PDE11A: variants seen among roughly 807,000 people sequenced by gnomAD.
PDE11A encodes the protein phosphodiesterase 11A.
In PDE11A, 100 loss-of-function variants were observed where a neutral mutation model predicts 100.5. The observed-to-expected ratio is 1.00, with a 90% confidence interval of 0.85 to 1.18. The LOEUF (loss-of-function observed/expected upper bound fraction) is 1.18, where lower values mean the gene tolerates loss of function less well. Ranked by LOEUF, PDE11A falls within the 50% of genes most tolerant of loss-of-function variation. PDE11A has a pLI of 0.00. For missense variants in PDE11A, 1,141 were observed against 1,152.6 expected (o/e 0.99, Z 0.15); for synonymous variants, 381 against 420.8 (o/e 0.91, Z 1.16).
At position 177,875,523 on chromosome 2, in the gene PDE11A, ACCCG is replaced by A. The variant is rs201082162; in HGVS notation, c.1367+332_1367+335del. 2.5e-3 allele frequency among the ~76,000 whole-genome samples: 382 copies of A among 150,890 alleles called. 14 individuals are homozygous for A. In the East Asian group the frequency reaches 0.071, roughly 28 times the overall value. ...CTCCCAAGTAGCTGGGACCACAGGC[ACCCG>A]CCACCATGCCCGGCTAATTTTTTTT... On this transcript the variant is annotated intron_variant, in intron 5 of 19. Transcript: ENST00000286063.
intron 1 of PDE11A, among the ~76,000 whole-genome samples, chr2:178,051,289 T>C (rs1250037696): frequency 6.6e-6 from 1 of 152,160 alleles, no homozygotes; most frequent in African/African-American, 2.4e-5. Flanking sequence ...TAAAATCCTT[T>C]ACAGACAAGC....
intron 2 of PDE11A, among the ~76,000 whole-genome samples, chr2:177,910,941 GCC>G (rs2084871927): frequency 6.6e-6 from 1 of 152,144 alleles, no homozygotes; most frequent in Non-Finnish European, 1.5e-5. Context: ...AGTGAAGGGG[GCC>G]ATCCCGTTCG....
At chr2:178,059,132 C>A (rs1037261252) in intron 1 of PDE11A, among the ~76,000 whole-genome samples, 7 of 152,200 alleles carry the variant, frequency 4.6e-5, no homozygotes, top group African/African-American at 1.7e-4. Context: ...GTCCAGCCTC[C>A]TGATGGGTTC....
chr2:177,951,773 C>A (rs2085507941), intron 2 of PDE11A, among the ~76,000 whole-genome samples: 3 of 152,126 alleles, frequency 2.0e-5, no homozygotes, highest in South Asian at 4.1e-4. Context: ...TGACAGTAAA[C>A]CCCAGAGGAA....
At chr2:177,912,341 A>G (rs1414143784) in intron 2 of PDE11A, among the ~76,000 whole-genome samples, 1 of 152,118 alleles carries the variant, frequency 6.6e-6, no homozygotes, top group African/African-American at 2.4e-5. Context: ...CTCTCCTACA[A>G]GCTAGTGTTG....
intron 10 of PDE11A, among the ~76,000 whole-genome samples, chr2:177,766,410 C>T (rs771166290): frequency 6.6e-5 from 10 of 152,168 alleles, no homozygotes; most frequent in Non-Finnish European, 1.5e-4. Flanking sequence ...CCTTCTTTAA[C>T]TCATGAAATC....
chr2:177,982,501 G>C (rs576528209), intron 2 of PDE11A, among the ~76,000 whole-genome samples: 1 of 150,606 alleles, frequency 6.6e-6, no homozygotes, highest in African/African-American at 2.4e-5. Flanking sequence ...CAGGCCAGTA[G>C]GGGATACGAC....
At chr2:177,685,564 T>C (rs189444579) in intron 15 of PDE11A, among the ~76,000 whole-genome samples, 402 of 152,320 alleles carry the variant, frequency 2.6e-3, no homozygotes, top group African/African-American at 9.3e-3. Context: ...TTTTTGTTTT[T>C]TTGAGACGGA....
intron 13 of PDE11A, among the ~76,000 whole-genome samples, chr2:177,702,306 C>A (rs1023867559): frequency 8.2e-6 from 1 of 122,274 alleles, no homozygotes; most frequent in African/African-American, 3.2e-5. Flanking sequence ...CAGAGTGAGA[C>A]TCCGTCTCAA....
In PDE11A at chr2:177,887,972, G is replaced by T; in HGVS notation, c.1302+10086C>A. Reference sequence around the variant, plus strand: ...CCTGATCACATCATCTGGCTGCTGCGTCATCCCCAGAACCACCTCCTGGAG... The same window carrying T: ...CCTGATCACATCATCTGGCTGCTGCTTCATCCCCAGAACCACCTCCTGGAG... On this transcript the variant is annotated intron_variant, in intron 4 of 19. Coordinates refer to ENST00000286063, the MANE Select transcript of PDE11A (RefSeq NM_016953.4). Among the ~76,000 whole-genome samples the T allele has an allele frequency of 2.0e-5, 3 of 151,962 alleles. No homozygotes were observed. In the South Asian group the frequency reaches 6.3e-4, roughly 32 times the overall value.
intron 1 of PDE11A, among the ~76,000 whole-genome samples, chr2:178,066,112 T>C (rs908355934): frequency 1.3e-5 from 2 of 152,004 alleles, no homozygotes; most frequent in African/African-American, 4.8e-5. Context: ...AGGTTCTAAA[T>C]GAGCAAAGAT....
chr2:177,906,148 G>A (rs1009436901), intron 2 of PDE11A, among the ~76,000 whole-genome samples: 2 of 149,596 alleles, frequency 1.3e-5, no homozygotes, highest in African/African-American at 5.0e-5. Context: ...TAGACTCTAT[G>A]TCTCTCTGTC....
chr2:177,712,342 C>CTT (rs35906687), intron 12 of PDE11A, among the ~76,000 whole-genome samples: 5,007 of 139,788 alleles, frequency 0.036, 175 homozygotes, highest in African/African-American at 0.084. Context: ...CACAACCCTT[C>CTT]TTTTTTTTTT....
At chr2:177,747,542 A>C (rs998059) in intron 10 of PDE11A, among the ~76,000 whole-genome samples, 108,837 of 152,134 alleles carry the variant, frequency 0.72, 40,300 homozygotes, top group East Asian at 0.86. Flanking sequence ...AAGGTAAAGA[A>C]GTCAATTCTG....
chr2:177,989,785 T>C (rs1029059342), intron 2 of PDE11A, among the ~76,000 whole-genome samples: 6 of 152,156 alleles, frequency 3.9e-5, no homozygotes, highest in African/African-American at 7.2e-5. Context: ...TGACACATTC[T>C]GGTCAAGACA....
chr2:178,106,117 C>T (rs1221708646), intron 1 of PDE11A, among the ~76,000 whole-genome samples: 1 of 152,154 alleles, frequency 6.6e-6, no homozygotes, highest in Non-Finnish European at 1.5e-5. Flanking sequence ...TGTTTAACTA[C>T]AATTCATAAA....
chr2:177,660,941 T>G (rs1418138236), intron 19 of PDE11A, among the ~76,000 whole-genome samples: 2 of 152,172 alleles, frequency 1.3e-5, no homozygotes, highest in Non-Finnish European at 2.9e-5. Flanking sequence ...CCTGCCAAAC[T>G]CGCTGTTCTG....
chr2:177,955,219 G>A (rs2105785373), intron 2 of PDE11A, among the ~76,000 whole-genome samples: 1 of 152,262 alleles, frequency 6.6e-6, no homozygotes, highest in African/African-American at 2.4e-5. Context: ...AAGCATGGTG[G>A]TATTTATGGT....
chr2:177,843,783 A>G (rs1180072521), intron 5 of PDE11A, among the ~76,000 whole-genome samples: 1 of 152,238 alleles, frequency 6.6e-6, no homozygotes, highest in Non-Finnish European at 1.5e-5. Flanking sequence ...TATAAACAAT[A>G]TAAAAATTAA....
Sources: gnomAD v4.1 joint callset for allele counts (sites outside exome capture counted in the v4.1 genomes callset) on GRCh38, gnomAD v4.1.1 for gene constraint, MANE v1.5 for transcripts, NCBI Gene and HGNC (gene_info 2026-07-23, HGNC 2026-07-21) for gene names.